The following SNX29 variants were observed in gnomAD, a reference collection of about 807,000 sequenced individuals.
SNX29 encodes the protein sorting nexin 29.
Under a neutral mutation model 102.1 loss-of-function variants are expected in SNX29, and 78 were observed. The ratio of observed to expected loss-of-function variants is 0.76; its 90% CI spans 0.64 to 0.92. SNX29 has a LOEUF of 0.92. Ranked by LOEUF, SNX29 falls within the 40% of genes least tolerant of loss-of-function variation. The pLI is 0.00. For synonymous variants in SNX29, 580 were observed against 414.5 expected (o/e 1.40, Z -4.85); for missense variants, 1,280 against 1,061.7 (o/e 1.21, Z -2.86).
At chr16:12,334,978 G>C (rs536318358) in intron 15 of SNX29, among the ~76,000 whole-genome samples, 2 of 138,074 alleles carry the variant, frequency 1.4e-5, no homozygotes, top group South Asian at 2.4e-4. Context: ...GCCTGTCATC[G>C]ACTGAGCATT....
At chr16:12,566,166 G>T (rs570039463) in intron 20 of SNX29, among the ~76,000 whole-genome samples, 1 of 152,320 alleles carries the variant, frequency 6.6e-6, no homozygotes, top group African/African-American at 2.4e-5. Flanking sequence ...CAGCTAGTTG[G>T]TGGCTTTAGG....
At position 12,157,272 on chromosome 16, in the gene SNX29, G is replaced by C. The variant is rs144672809; in HGVS notation, c.1595+27514G>C. Among the ~76,000 whole-genome samples the C allele has an allele frequency of 3.5e-3, 533 of 152,204 alleles. 5 individuals are homozygous for C. The highest frequency in any genetic ancestry group is 0.012 in the African/African-American group (506 of 41,544). On this transcript the variant is annotated intron_variant, in intron 13 of 20. Coordinates refer to ENST00000566228, the MANE Select transcript of SNX29 (RefSeq NM_032167.5). ...GCTTCCACACTATCCAGCAGGGCTG[G>C]TCCCCTTCTCTGGCTCTGGAGAAGG...
chr16:12,288,221 G>A (rs1024996097), intron 15 of SNX29, among the ~76,000 whole-genome samples: 2 of 152,134 alleles, frequency 1.3e-5, no homozygotes, highest in Non-Finnish European at 2.9e-5. Flanking sequence ...AGGACTGGGT[G>A]GAAGCAGCTT....
intron 14 of SNX29, among the ~76,000 whole-genome samples, chr16:12,231,999 T>C (rs1412566474): frequency 2.0e-5 from 3 of 152,240 alleles, no homozygotes; most frequent in African/African-American, 4.8e-5. Flanking sequence ...ATAAAGATGC[T>C]GGCCCTTTGT....
chr16:12,017,315 G>T (rs905833131), intron 3 of SNX29, among the ~76,000 whole-genome samples: 1 of 152,170 alleles, frequency 6.6e-6, no homozygotes, highest in African/African-American at 2.4e-5. Context: ...GTGAGATTGA[G>T]TATCTTTTCT....
intron 15 of SNX29, among the ~76,000 whole-genome samples, chr16:12,302,546 C>T (rs2080209317): frequency 6.6e-6 from 1 of 151,874 alleles, no homozygotes; most frequent in Admixed American, 6.5e-5. Flanking sequence ...CATGTTCTCA[C>T]ATCGTGGAAG....
At position 12,571,681 on chromosome 16, in the gene SNX29, T is replaced by G; in HGVS notation, c.*3052T>G. On this transcript the variant is annotated 3_prime_UTR_variant, in exon 21 of 21. Transcript: ENST00000566228. ...AACGGTAGGGCTGGGCAGAGGTGTC[T>G]CTCCTTGAGAGACAACAAAAGCTTC... is the stretch of plus-strand genomic sequence containing the variant. The G allele has an allele frequency of 9.4e-7, 1 of 1,059,470 alleles. No homozygotes were observed. Among genetic ancestry groups the G allele is most frequent in the Non-Finnish European group, 1.1e-6 (1 of 876,200 alleles). 65.6% of individuals were successfully genotyped at this position (1,059,470 alleles called of 1,614,324 possible). A position where few individuals can be genotyped will look rare whatever the true frequency, so the allele number is the denominator to read the frequency against.
intron 18 of SNX29, among the ~76,000 whole-genome samples, chr16:12,435,794 G>A (rs757637198): frequency 6.6e-5 from 10 of 152,178 alleles, no homozygotes; most frequent in Non-Finnish European, 1.3e-4. Context: ...CCATGGTGAG[G>A]ATGCACTTTG....
chr16:12,537,737 A>G (rs1367019748), intron 20 of SNX29, among the ~76,000 whole-genome samples: 1 of 152,196 alleles, frequency 6.6e-6, no homozygotes. Flanking sequence ...TATTTTTGGC[A>G]CAATGACCTC....
At chr16:12,512,967 C>T (rs958491993) in intron 19 of SNX29, among the ~76,000 whole-genome samples, 2 of 152,044 alleles carry the variant, frequency 1.3e-5, no homozygotes, top group African/African-American at 2.4e-5. Context: ...GTGAAAGAGT[C>T]GATGGGGCCT....
chr16:12,401,755 C>G (rs2083953717), intron 17 of SNX29, among the ~76,000 whole-genome samples: 1 of 152,184 alleles, frequency 6.6e-6, no homozygotes, highest in Non-Finnish European at 1.5e-5. Context: ...TTTTATTGCT[C>G]TATCTCCAGT....
intron 13 of SNX29, among the ~76,000 whole-genome samples, chr16:12,160,846 A>T (rs1034628045): frequency 6.6e-6 from 1 of 152,236 alleles, no homozygotes; most frequent in African/African-American, 2.4e-5. Context: ...TCTTGATGGC[A>T]TTATAGCATC....
At chr16:12,437,711 A>T (rs570098687) in intron 18 of SNX29, among the ~76,000 whole-genome samples, 1 of 152,126 alleles carries the variant, frequency 6.6e-6, no homozygotes, top group South Asian at 2.1e-4. Context: ...GCACACCGGC[A>T]CCCAGATTTA....
intron 7 of SNX29, among the ~76,000 whole-genome samples, chr16:12,049,758 C>T (rs2050230997): frequency 6.6e-6 from 1 of 151,788 alleles, no homozygotes; most frequent in African/African-American, 2.4e-5. Flanking sequence ...GTTACTACAG[C>T]AAAATTGGAA....
In SNX29 at chr16:12,572,452, G is replaced by T. The variant is rs568020803; in HGVS notation, c.*3823G>T. On this transcript the variant is annotated 3_prime_UTR_variant, in exon 21 of 21. Coordinates refer to ENST00000566228, the MANE Select transcript of SNX29 (RefSeq NM_032167.5). Reference sequence around the variant, plus strand: ...TGGCTGCCTCTCTTGGTTCTGCATGGTACATTTTGCCAACCCTGAGGACCA... The same window carrying T: ...TGGCTGCCTCTCTTGGTTCTGCATGTTACATTTTGCCAACCCTGAGGACCA... 2.6e-5 allele frequency: 28 copies of T among 1,063,394 alleles called. No individual in the cohort carries two copies. The East Asian group carries it at 9.6e-4, about 36-fold the overall frequency. 65.9% of individuals were successfully genotyped at this position (1,063,394 alleles called of 1,614,324 possible).
intron 20 of SNX29, among the ~76,000 whole-genome samples, chr16:12,531,785 C>G (rs565388143): frequency 6.6e-6 from 1 of 152,186 alleles, no homozygotes; most frequent in Non-Finnish European, 1.5e-5. Flanking sequence ...ATCCTGAAGG[C>G]AGGCCCAGAG....
intron 11 of SNX29, among the ~76,000 whole-genome samples, chr16:12,080,626 C>T (rs149568930): frequency 6.3e-4 from 96 of 152,086 alleles, no homozygotes; most frequent in Admixed American, 1.8e-3. Context: ...GCGATCCACC[C>T]GCCTCAGCCT....
intron 19 of SNX29, among the ~76,000 whole-genome samples, chr16:12,520,475 T>C (rs1215065955): frequency 6.6e-6 from 1 of 152,196 alleles, no homozygotes; most frequent in Non-Finnish European, 1.5e-5. Flanking sequence ...CTCACCTTTC[T>C]GAAATTCAGT....
rs1436046316 is a variant in SNX29, at chr16:12,568,635, A to G, written c.*6A>G. The G allele has an allele frequency of 1.2e-6, 2 of 1,601,614 alleles. No homozygotes were observed. Among genetic ancestry groups the G allele is most frequent in the Non-Finnish European group, 1.7e-6 (2 of 1,179,684 alleles). ...CCCAGAGCGGTGACCTCTGACCTCG[A>G]CAAAACCGCAGCCACGGGCCCTGTG... On this transcript the variant is annotated 3_prime_UTR_variant, in exon 21 of 21. Transcript: ENST00000566228.
Sources: gnomAD v4.1 joint callset for allele counts (sites outside exome capture counted in the v4.1 genomes callset) on GRCh38, gnomAD v4.1.1 for gene constraint, MANE v1.5 for transcripts, NCBI Gene and HGNC (gene_info 2026-07-23, HGNC 2026-07-21) for gene names.